Variants in CPM observed in about 807,000 individuals in gnomAD.
CPM encodes the protein carboxypeptidase M.
CPM carries 35 observed loss-of-function variants against 46.4 expected under a neutral mutation model. That is an observed-to-expected ratio of 0.75 (90% CI 0.58 to 1.00). CPM has a LOEUF of 1.00. Ranked by LOEUF, CPM falls within the 50% of genes least tolerant of loss-of-function variation. The pLI is 0.00. For missense variants in CPM, 422 were observed against 530.4 expected (o/e 0.80, Z 2.01); for synonymous variants, 195 against 195.3 (o/e 1.00, Z 0.01).
intron 2 of CPM, among the ~76,000 whole-genome samples, chr12:68,895,822 G>A (rs1886850463): frequency 6.6e-6 from 1 of 152,222 alleles, no homozygotes. Context: ...GGTGTGCCAT[G>A]AATACACTCA....
At position 68,856,613 on chromosome 12, in the gene CPM, T is replaced by C; in HGVS notation, c.1156A>G (p.Ser386Gly). 8.1e-6 allele frequency: 13 copies of C among 1,614,234 alleles called. No homozygotes were observed. Among genetic ancestry groups the C allele is most frequent in the Non-Finnish European group, 1.0e-5 (12 of 1,180,016 alleles). ...VIIPEKSQNF[S>G]ALKKDILLPF... ...AGTAGAATATCCTTTTTAAGAGCAC[T>C]GAAGTTCTGGGATTTCTCCGGAATA... Residue 386 changes from serine (S) to glycine (G), a missense_variant, in exon 9 of 9, where the codon AGT becomes GGT. Physicochemically the swap from Ser to Gly is moderately conservative, Grantham distance 56. Transcript: ENST00000551568.
At chr12:68,846,707 C>T (rs1884318956), downstream of CPM, 1 of 152,108 alleles carries the variant, frequency 6.6e-6, no homozygotes, top group African/African-American at 2.4e-5. Flanking sequence ...ACTTTTAGAA[C>T]ACTATGAAAT....
At chr12:68,921,467 G>C (rs1275203234) in intron 2 of CPM, among the ~76,000 whole-genome samples, 3 of 152,130 alleles carry the variant, frequency 2.0e-5, no homozygotes, top group Admixed American at 6.5e-5. Context: ...GAAGGCAGGG[G>C]TGAGTGTGAT....
chr12:68,924,521 T>G (rs1415007909), intron 2 of CPM, among the ~76,000 whole-genome samples: 1 of 151,754 alleles, frequency 6.6e-6, no homozygotes. Flanking sequence ...CCCTGAATGT[T>G]TCAAGAATAA....
chr12:68,928,854 C>T (rs1888382076), intron 2 of CPM, among the ~76,000 whole-genome samples: 1 of 151,928 alleles, frequency 6.6e-6, no homozygotes, highest in Non-Finnish European at 1.5e-5. Flanking sequence ...ATTCTCCTGC[C>T]TCAGTTTCCC....
Position 68,885,840 on chromosome 12 carries a change from T to A in CPM, c.210A>T (p.Arg70Ser). 1 of 1,614,154 alleles carries A rather than the reference T, an allele frequency of 6.2e-7. No homozygotes were observed. The highest frequency in any genetic ancestry group is 8.5e-7 in the Non-Finnish European group (1 of 1,180,016). ...CGTATTTGAACTCTGGAATCCCAAT[T>A]CTGTGTTCCTTTGGAAACCGCCCCA... is the stretch of plus-strand genomic sequence containing the variant. ...LVVGRFPKEH[R>S]IGIPEFKYVA... The change falls in exon 3 of 9, where the codon AGA becomes AGT. Residue 70 changes from arginine to serine, a missense_variant. Arg to Ser is a moderately radical substitution (Grantham distance 110). Transcript: ENST00000551568.
chr12:68,870,426 T>C, intron 4 of CPM, 27 bp from the exon 5 acceptor site: 1 of 1,594,918 alleles, frequency 6.3e-7, no homozygotes, highest in Non-Finnish European at 8.6e-7. Flanking sequence ...ATTTTAGGGC[T>C]TATTGATAGG....
chr12:68,909,767 T>A (rs1024818963), intron 2 of CPM, among the ~76,000 whole-genome samples: 2 of 140,260 alleles, frequency 1.4e-5, no homozygotes, highest in African/African-American at 5.3e-5. Context: ...TTCTCACTCA[T>A]AAGTAGGAGT....
At chr12:68,931,655 G>A (rs956563432) in intron 2 of CPM, among the ~76,000 whole-genome samples, 2 of 141,720 alleles carry the variant, frequency 1.4e-5, no homozygotes, top group Non-Finnish European at 3.0e-5. Flanking sequence ...TGAGGCAGGA[G>A]AATTGCTTGA....
chr12:68,906,929 G>A (rs948846838), intron 2 of CPM, among the ~76,000 whole-genome samples: 3 of 152,198 alleles, frequency 2.0e-5, no homozygotes, highest in Non-Finnish European at 4.4e-5. Context: ...TCAGGGAATG[G>A]GAACCAAATT....
Position 68,922,522 on chromosome 12 carries a change from G to C in CPM, c.160+10156C>G, listed in dbSNP as rs191357363. ...AGTAGGCACTATCATTACTGCCTTT[G>C]TATCCCCACTGTCAAGGTAGTTATC... On this transcript the variant is annotated intron_variant, in intron 2 of 8. Transcript: ENST00000551568. Among the ~76,000 whole-genome samples the C allele has an allele frequency of 1.6e-3, 241 of 152,120 alleles. 1 individual carries two copies. Among genetic ancestry groups the C allele is most frequent in the African/African-American group, 5.7e-3 (236 of 41,474 alleles).
intron 2 of CPM, among the ~76,000 whole-genome samples, chr12:68,913,582 G>A (rs556797262): frequency 1.3e-5 from 2 of 152,198 alleles, no homozygotes; most frequent in East Asian, 1.9e-4. Flanking sequence ...AAAGGATCAC[G>A]TGTACATCAA....
intron 2 of CPM, among the ~76,000 whole-genome samples, chr12:68,928,853 C>CAGG (rs1888381949): frequency 2.6e-5 from 4 of 151,778 alleles, no homozygotes; most frequent in Non-Finnish European, 5.9e-5. Flanking sequence ...GATTCTCCTG[C>CAGG]CTCAGTTTCC....
intron 1 of CPM, among the ~76,000 whole-genome samples, chr12:68,956,876 G>A (rs572538795): frequency 1.8e-4 from 28 of 152,288 alleles, no homozygotes; most frequent in African/African-American, 6.7e-4. Context: ...CTTCAACACA[G>A]GTCTGGTAAA....
chr12:68,947,809 T>A (rs1888871941), intron 1 of CPM, among the ~76,000 whole-genome samples: 1 of 151,632 alleles, frequency 6.6e-6, no homozygotes, highest in Non-Finnish European at 1.5e-5. Flanking sequence ...CATGGCCAGC[T>A]TTTTTAAAAT....
intron 7 of CPM, among the ~76,000 whole-genome samples, chr12:68,861,079 G>A (rs1353037882): frequency 6.6e-6 from 1 of 151,634 alleles, no homozygotes; most frequent in Middle Eastern, 3.4e-3. Context: ...GTGGGGTTTC[G>A]CCATGTTGCA....
downstream of CPM, chr12:68,850,529 G>T (rs1391501270): frequency 1.3e-5 from 2 of 152,176 alleles, no homozygotes; most frequent in African/African-American, 4.8e-5. Flanking sequence ...GCAGATGTAA[G>T]CTTGAGCCCA....
Position 68,901,043 on chromosome 12 carries a change from G to A in CPM, c.161-15154C>T, listed in dbSNP as rs553854073. 3.9e-4 allele frequency among the ~76,000 whole-genome samples: 60 copies of A among 152,308 alleles called. 1 individual carries two copies. In the South Asian group the frequency reaches 9.7e-3, roughly 25 times the overall value. On this transcript the variant is annotated intron_variant, in intron 2 of 8. Transcript: ENST00000551568. ...ATATTGATCATGGGAGAGGCTATGCGCGTGTGGGGATAGGGACAAGGGGTA... is the reference window on the plus strand; with the variant it reads ...ATATTGATCATGGGAGAGGCTATGCACGTGTGGGGATAGGGACAAGGGGTA...
intron 2 of CPM, among the ~76,000 whole-genome samples, chr12:68,927,748 A>T (rs1888329644): frequency 6.6e-6 from 1 of 152,224 alleles, no homozygotes; most frequent in South Asian, 2.1e-4. Flanking sequence ...GAGCCAAATC[A>T]TGAGTGAACT....
Sources: gnomAD v4.1 joint callset for allele counts (sites outside exome capture counted in the v4.1 genomes callset) on GRCh38, gnomAD v4.1.1 for gene constraint, MANE v1.5 for transcripts, NCBI Gene and HGNC (gene_info 2026-07-23, HGNC 2026-07-21) for gene names.